The following PTGIS variants were observed in gnomAD, a reference collection of about 807,000 sequenced individuals.
PTGIS encodes prostacyclin synthase.
In PTGIS, 45 loss-of-function variants were observed where a neutral mutation model predicts 50.3. The ratio of observed to expected loss-of-function variants is 0.90; its 90% CI spans 0.70 to 1.15. The LOEUF (loss-of-function observed/expected upper bound fraction) is 1.15, where lower values mean the gene tolerates loss of function less well. PTGIS is among the 50% of genes most tolerant of loss of function. PTGIS has a pLI of 0.00. For missense variants in PTGIS, 668 were observed against 661.3 expected (o/e 1.01, Z -0.11); for synonymous variants, 260 against 267.7 (o/e 0.97, Z 0.28).
rs185707493 is a variant in PTGIS at position 49,552,548 on chromosome 20, T to C, written c.75-2359A>G. Among the ~76,000 whole-genome samples, 70 of 152,250 alleles carry C rather than the reference T, an allele frequency of 4.6e-4. 2 individuals are homozygous for C. The East Asian group carries it at 0.013, about 28-fold the overall frequency. ...CTCTCTCTCTGTCTGTCTCTCTCTC[T>C]CTTTAGAGATATACATTTCCCTATC... is the stretch of plus-strand genomic sequence containing the variant. On this transcript the variant is annotated intron_variant, in intron 1 of 9. Coordinates refer to ENST00000244043, the MANE Select transcript of PTGIS (RefSeq NM_000961.4).
At chr20:49,564,289 T>C (rs1289462605) in intron 1 of PTGIS, among the ~76,000 whole-genome samples, 2 of 152,188 alleles carry the variant, frequency 1.3e-5, no homozygotes, top group African/African-American at 4.8e-5. Context: ...TCTCGCTCTG[T>C]TGCCCAGGCT....
chr20:49,532,889 C>G (rs906028940), intron 5 of PTGIS, among the ~76,000 whole-genome samples: 2 of 152,180 alleles, frequency 1.3e-5, no homozygotes, highest in African/African-American at 4.8e-5. Flanking sequence ...ACAGAACACA[C>G]TTGGTATCGG....
chr20:49,558,129 C>T (rs998776161), intron 1 of PTGIS, among the ~76,000 whole-genome samples: 1 of 152,154 alleles, frequency 6.6e-6, no homozygotes, highest in African/African-American at 2.4e-5. Flanking sequence ...TGTCTCATGC[C>T]TATAATCCCA....
chr20:49,527,287 TA>T (rs1981815188), intron 5 of PTGIS, among the ~76,000 whole-genome samples: 7 of 62,088 alleles, frequency 1.1e-4, no homozygotes, highest in African/African-American at 4.8e-4. Flanking sequence ...TCTACTAAAA[TA>T]CAAAAAAAAA....
rs972508010 is a variant in PTGIS, at chr20:49,504,213, A to G, written c.*3707T>C. On this transcript the variant is annotated 3_prime_UTR_variant, in exon 10 of 10. Coordinates refer to ENST00000244043, the MANE Select transcript of PTGIS (RefSeq NM_000961.4). ...GTCAGGGAGATGCCAGTGTGGCCTT[A>G]AGGCAATTCTAACACTTGCTTATCT... 6.6e-6 allele frequency: 1 copy of G among 152,238 alleles called. No homozygotes were observed. The allele number at this position is 152,238 out of a possible 1,614,324, so 9.4% of individuals were successfully genotyped here. A position where few individuals can be genotyped will look rare whatever the true frequency, so the allele number is the denominator to read the frequency against.
chr20:49,514,004 CT>C (rs910180751), intron 7 of PTGIS, among the ~76,000 whole-genome samples: 1 of 152,192 alleles, frequency 6.6e-6, no homozygotes, highest in African/African-American at 2.4e-5. Flanking sequence ...CTCAAAGTAC[CT>C]TTTCACCTTA....
rs764467186 is a variant in PTGIS, at chr20:49,539,679, G to A, written c.564C>T (p.Arg188=). The change falls in exon 5 of 10, where the codon CGC becomes CGT. Residue 188 remains arginine, a synonymous_variant. Coordinates refer to ENST00000244043, the MANE Select transcript of PTGIS (RefSeq NM_000961.4). ...GGTCCTGGGCCTGGCTTTCATGGGT[G>A]CGTGGCAGCGCCTCAATTCCGTAAA... is the stretch of plus-strand genomic sequence containing the variant. The part of the protein sequence containing the change: ...LTLYGIEALP[R]THESQAQDRV... 1.9e-5 allele frequency: 30 copies of A among 1,613,600 alleles called. No homozygotes were observed. The highest frequency in any genetic ancestry group is 1.6e-4 in the Middle Eastern group (1 of 6,082).
Position 49,568,058 on chromosome 20 carries a change from C to T in PTGIS, c.59G>A (p.Ser20Asn). 1 of 1,471,190 alleles carries T rather than the reference C, an allele frequency of 6.8e-7. No homozygotes were observed. The allele number at this position is 1,471,190 out of a possible 1,614,324, so 91.1% of individuals were successfully genotyped here. The change falls in exon 1 of 10, where the codon AGC becomes AAC. Residue 20 changes from serine (S) to asparagine (N), a missense_variant. By Grantham distance (46) the Ser-to-Asn change is conservative. Coordinates refer to ENST00000244043, the MANE Select transcript of PTGIS (RefSeq NM_000961.4). Reference sequence around the variant, plus strand: ...GGACACTCACCGCGTGCGGCGGCGGCTCAGTAGCAGCAGCAGCAACAGTGC... The same window carrying T: ...GGACACTCACCGCGTGCGGCGGCGGTTCAGTAGCAGCAGCAGCAACAGTGC... ...LAALLLLLLL[S>N]RRRTRRPGEP... is the part of the protein sequence containing the mutation.
chr20:49,511,846 GGATA>G (rs1981328494), intron 8 of PTGIS, among the ~76,000 whole-genome samples: 1 of 152,122 alleles, frequency 6.6e-6, no homozygotes, highest in African/African-American at 2.4e-5. Flanking sequence ...ATGGAGGGAT[GGATA>G]GATGGATGGA....
chr20:49,564,973 T>C (rs1232934559), intron 1 of PTGIS, among the ~76,000 whole-genome samples: 3 of 112,158 alleles, frequency 2.7e-5, no homozygotes, highest in Admixed American at 1.7e-4. Flanking sequence ...TTGTTTGCCC[T>C]TTTTTTTTTT....
intron 5 of PTGIS, among the ~76,000 whole-genome samples, chr20:49,529,056 T>G (rs1981866379): frequency 6.6e-6 from 1 of 152,172 alleles, no homozygotes. Flanking sequence ...TACACAAATA[T>G]GGTGTGAAAT....
intron 1 of PTGIS, among the ~76,000 whole-genome samples, chr20:49,554,666 G>A (rs1982583086): frequency 6.6e-6 from 1 of 152,130 alleles, no homozygotes; most frequent in Admixed American, 6.5e-5. Flanking sequence ...GAGATTGTAA[G>A]GGCTGATTCT....
chr20:49,509,579 G>C lies in PTGIS; in HGVS notation c.1358+1449C>G, dbSNP rs74757346. 2.5e-3 allele frequency among the ~76,000 whole-genome samples: 374 copies of C among 152,260 alleles called. 2 individuals are homozygous for C. Among genetic ancestry groups the C allele is most frequent in the Non-Finnish European group, 2.7e-3 (186 of 68,012 alleles). On this transcript the variant is annotated intron_variant, in intron 9 of 9. Transcript: ENST00000244043. ...TAATGCAAGTTTCACATTTGCTCAC[G>C]TGCAATTTCACTTGTGAGAAACATG...
At position 49,505,122 on chromosome 20, in the gene PTGIS, C is replaced by CA. The variant is rs10637368; in HGVS notation, c.*2797dup. On this transcript the variant is annotated 3_prime_UTR_variant, in exon 10 of 10. Transcript: ENST00000244043. ...TGGGCAGCAGAGCGAGACTCCATCT[C>CA]AAAAAAAAAAAAAAAAAAAGAGTAT... is the stretch of plus-strand genomic sequence containing the variant. The CA allele has an allele frequency of 0.038, 2,765 of 73,010 alleles. 253 individuals are homozygous for CA. Among genetic ancestry groups the CA allele is most frequent in the African/African-American group, 0.11 (2,268 of 20,462 alleles). 4.5% of individuals were successfully genotyped at this position (73,010 alleles called of 1,614,324 possible).
chr20:49,556,618 A>G (rs2122898364), intron 1 of PTGIS, among the ~76,000 whole-genome samples: 1 of 152,354 alleles, frequency 6.6e-6, no homozygotes, highest in African/African-American at 2.4e-5. Flanking sequence ...TATGAAAATA[A>G]TCAAGCCAAG....
At chr20:49,560,351 A>G (rs555399732) in intron 1 of PTGIS, among the ~76,000 whole-genome samples, 1 of 152,150 alleles carries the variant, frequency 6.6e-6, no homozygotes, top group Non-Finnish European at 1.5e-5. Context: ...ATATAGGCAC[A>G]TGCCATCACA....
intron 5 of PTGIS, among the ~76,000 whole-genome samples, chr20:49,535,123 A>C (rs769232338): frequency 6.6e-6 from 1 of 152,222 alleles, no homozygotes; most frequent in Non-Finnish European, 1.5e-5. Flanking sequence ...AAGGCTGATA[A>C]CTGCATGTTG....
Position 49,506,045 on chromosome 20 carries a change from A to G in PTGIS, c.*1875T>C, listed in dbSNP as rs886606978. The G allele has an allele frequency of 1.2e-4, 18 of 152,688 alleles. No homozygotes were observed. Among genetic ancestry groups the G allele is most frequent in the African/African-American group, 4.1e-4 (17 of 41,448 alleles). 9.5% of individuals were successfully genotyped at this position (152,688 alleles called of 1,614,324 possible). On this transcript the variant is annotated 3_prime_UTR_variant, in exon 10 of 10. Coordinates refer to ENST00000244043, the MANE Select transcript of PTGIS (RefSeq NM_000961.4). Reference sequence around the variant, plus strand: ...GGCTCTGTCAGCTCCTGAAGTCGAGAAGAATTGTCCCATCACCAGTCCCCT... The same window carrying G: ...GGCTCTGTCAGCTCCTGAAGTCGAGGAGAATTGTCCCATCACCAGTCCCCT...
chr20:49,514,365 G>A lies in PTGIS; in HGVS notation c.886C>T (p.Leu296=), dbSNP rs1981415611. The change falls in exon 7 of 10, where the codon CTG becomes TTG. Residue 296 remains leucine, a synonymous_variant. Transcript: ENST00000244043. The part of the protein sequence containing the change: ...GNMGPAAFWL[L]LFLLKNPEAL... ...TCAGGATTCTTGAGAAGGAAGAGCA[G>A]GAGCCAGAAGGCAGCGGGACCCATA... is the stretch of plus-strand genomic sequence containing the variant. 3.7e-6 allele frequency: 6 copies of A among 1,614,024 alleles called. No homozygotes were observed. The highest frequency in any genetic ancestry group is 5.1e-6 in the Non-Finnish European group (6 of 1,180,032).
Sources: allele counts gnomAD v4.1 joint callset (sites outside exome capture counted in the v4.1 genomes callset), GRCh38; gene constraint gnomAD v4.1.1; transcripts MANE v1.5; gene names NCBI Gene and HGNC (gene_info 2026-07-23, HGNC 2026-07-21).